Variants in TBXAS1 observed in about 807,000 individuals in gnomAD.
The protein encoded by TBXAS1 is thromboxane A synthase 1.
Under a neutral mutation model 60.7 loss-of-function variants are expected in TBXAS1, and 48 were observed. The ratio of observed to expected loss-of-function variants is 0.79; its 90% confidence interval spans 0.63 to 1.01. The LOEUF is 1.01. Ranked by LOEUF, TBXAS1 falls within the 50% of genes least tolerant of loss-of-function variation. The probability of loss-of-function intolerance (pLI) is 0.00; values close to 1 mark genes in which losing one functional copy is unlikely to be tolerated. For missense variants in TBXAS1, 685 were observed against 686.3 expected (o/e 1.00, Z 0.02); for synonymous variants, 287 against 269.7 (o/e 1.06, Z -0.63).
chr7:139,898,204 C>A (rs986421804), intron 3 of TBXAS1, among the ~76,000 whole-genome samples: 1 of 152,188 alleles, frequency 6.6e-6, no homozygotes, highest in Non-Finnish European at 1.5e-5. Flanking sequence ...CTCACTGAGC[C>A]TCCTGCCGCT....
chr7:139,888,260 G>A (rs138708976), intron 3 of TBXAS1, among the ~76,000 whole-genome samples: 879 of 152,142 alleles, frequency 5.8e-3, no homozygotes, highest in Non-Finnish European at 0.011. Context: ...TCTGCCTTTC[G>A]GTTCTGCCTT....
intron 4 of TBXAS1, among the ~76,000 whole-genome samples, chr7:139,925,356 T>G (rs1356560365): frequency 6.6e-6 from 1 of 152,216 alleles, no homozygotes; most frequent in African/African-American, 2.4e-5. Context: ...TAGAGATCTT[T>G]TACTTCTTCA....
intron 5 of TBXAS1, among the ~76,000 whole-genome samples, chr7:139,941,864 C>T (rs1808317527): frequency 6.6e-6 from 1 of 152,194 alleles, no homozygotes; most frequent in Admixed American, 6.5e-5. Context: ...ATTAGTACTT[C>T]TCTGACGGAA....
At chr7:139,848,818 A>G (rs754149096) in intron 1 of TBXAS1, among the ~76,000 whole-genome samples, 3 of 152,202 alleles carry the variant, frequency 2.0e-5, no homozygotes. Flanking sequence ...GAGGCACTGC[A>G]CAGTCATGGA....
At chr7:139,984,829 GAAAGAGGA>G (rs1812298141) in intron 9 of TBXAS1, among the ~76,000 whole-genome samples, 1 of 134,386 alleles carries the variant, frequency 7.4e-6, no homozygotes, top group African/African-American at 2.8e-5. Context: ...GAAGAAGAAA[GAAAGAGGA>G]AGGAAGGAAG....
chr7:139,951,828 GAGGA>G (rs1427401639), intron 5 of TBXAS1, among the ~76,000 whole-genome samples: 1 of 21,464 alleles, frequency 4.7e-5, no homozygotes, highest in South Asian at 1.3e-3. Context: ...AGGAAAGAAA[GAGGA>G]AAGAAAGAAA....
At chr7:139,812,119 G>A (rs909365422) in intron 4 of TBXAS1, among the ~76,000 whole-genome samples, 1 of 152,188 alleles carries the variant, frequency 6.6e-6, no homozygotes, top group Non-Finnish European at 1.5e-5. Context: ...TGCCGTCCTT[G>A]AAAAGCAGCA....
intron 3 of TBXAS1, among the ~76,000 whole-genome samples, chr7:139,785,661 T>C (rs1282598720): frequency 6.6e-6 from 1 of 152,058 alleles, no homozygotes; most frequent in Non-Finnish European, 1.5e-5. Flanking sequence ...TTGACAACAT[T>C]GGCTTCCTGC....
intron 3 of TBXAS1, among the ~76,000 whole-genome samples, chr7:139,881,014 G>C (rs1043347477): frequency 6.6e-6 from 1 of 152,084 alleles, no homozygotes; most frequent in Non-Finnish European, 1.5e-5. Flanking sequence ...CTGCAGTTTC[G>C]ATGTGCATTT....
chr7:139,916,137 G>C lies in TBXAS1; in HGVS notation c.333+4816G>C, dbSNP rs561735245. 6.6e-6 allele frequency among the ~76,000 whole-genome samples: 1 copy of C among 152,226 alleles called. No individual in the cohort carries two copies. Among genetic ancestry groups the C allele is most frequent in the Non-Finnish European group, 1.5e-5 (1 of 68,016 alleles). On this transcript the variant is annotated intron_variant, in intron 4 of 12. Transcript: ENST00000448866. The surrounding 1 kb of genome is among the most constrained non-coding windows in gnomAD (Gnocchi z 4.2). ...GGTACGGTACCTAATGAAACCATAG[G>C]GCAGCTCTTTTTTAAATATCTGTGG...
intron 4 of TBXAS1, among the ~76,000 whole-genome samples, chr7:139,802,695 G>A (rs980517996): frequency 3.9e-5 from 6 of 152,206 alleles, no homozygotes; most frequent in African/African-American, 1.4e-4. Context: ...TGAGGCAGGA[G>A]AATCACTTGA....
At chr7:139,918,249 A>T (rs1309368429) in intron 4 of TBXAS1, among the ~76,000 whole-genome samples, 1 of 152,070 alleles carries the variant, frequency 6.6e-6, no homozygotes, top group East Asian at 1.9e-4. Flanking sequence ...TAACCTCCTG[A>T]TTCTCAATTT....
intron 9 of TBXAS1, among the ~76,000 whole-genome samples, chr7:139,984,822 G>C (rs945125498): frequency 8.2e-5 from 10 of 121,898 alleles, no homozygotes; most frequent in African/African-American, 2.7e-4. Context: ...AAGAAAAGAA[G>C]AAGAAAGAAA....
At chr7:139,952,825 A>G in intron 5 of TBXAS1, 1 of 878,136 alleles carries the variant, frequency 1.1e-6, no homozygotes, top group Non-Finnish European at 1.6e-6. Context: ...CTTAAGCACA[A>G]AAGAATAACC....
chr7:139,914,296 C>A (rs976480174), intron 4 of TBXAS1, among the ~76,000 whole-genome samples: 4 of 152,056 alleles, frequency 2.6e-5, no homozygotes, highest in Non-Finnish European at 5.9e-5. Flanking sequence ...CTTGGCCTCC[C>A]AAATTGTTGG....
intron 4 of TBXAS1, among the ~76,000 whole-genome samples, chr7:139,815,243 G>C (rs550939093): frequency 6.6e-6 from 1 of 152,216 alleles, no homozygotes; most frequent in Admixed American, 6.5e-5. Flanking sequence ...GAAAGAGAGA[G>C]AGCGAGACAG....
At position 140,004,182 on chromosome 7, in the gene TBXAS1, C is replaced by T. The variant is rs1320751699; in HGVS notation, c.1135-2909C>T. On this transcript the variant is annotated intron_variant, in intron 9 of 12. Coordinates refer to ENST00000448866, the MANE Select transcript of TBXAS1 (RefSeq NM_001061.7). This position sits in a 1 kb window ranked among gnomAD's most constrained non-coding sequence, Gnocchi z 5.1. ...GCCCCTTTGGGCCAGTCAATCTTGG[C>T]CTGCAGGGCTGGCTACAGGATCTGT... 2.0e-5 allele frequency among the ~76,000 whole-genome samples: 3 copies of T among 152,212 alleles called. No individual in the cohort carries two copies. The highest frequency in any genetic ancestry group is 7.2e-5 in the African/African-American group (3 of 41,448).
At chr7:139,940,332 C>G (rs574457815) in intron 5 of TBXAS1, among the ~76,000 whole-genome samples, 38 of 152,292 alleles carry the variant, frequency 2.5e-4, no homozygotes, top group African/African-American at 8.4e-4. Flanking sequence ...ACTTTAATCT[C>G]CCAGCTGCCT....
chr7:139,983,461 C>T (rs1300646960), intron 9 of TBXAS1, among the ~76,000 whole-genome samples: 1 of 152,192 alleles, frequency 6.6e-6, no homozygotes, highest in Non-Finnish European at 1.5e-5. Flanking sequence ...GTGTTTTTCT[C>T]AGGGTCACAC....
Sources: allele counts gnomAD v4.1 joint callset (sites outside exome capture counted in the v4.1 genomes callset), GRCh38; gene constraint gnomAD v4.1.1; non-coding constraint Gnocchi (gnomAD v3.1); transcripts MANE v1.5; gene names NCBI Gene and HGNC (gene_info 2026-07-23, HGNC 2026-07-21).